The following RSPO4 variants were observed in gnomAD, a reference collection of about 807,000 sequenced individuals.
The protein encoded by RSPO4 is R-spondin-4.
A neutral mutation model predicts 24.8 loss-of-function variants in RSPO4; 23 were observed. The observed-to-expected ratio is 0.93, with a 90% CI of 0.67 to 1.31. The LOEUF is 1.31. Ranked by LOEUF, RSPO4 falls within the 40% of genes most tolerant of loss-of-function variation. The pLI, the probability that RSPO4 is intolerant of heterozygous loss-of-function variation, is 0.00. For synonymous variants in RSPO4, 141 were observed against 127.4 expected (o/e 1.11, Z -0.72); for missense variants, 333 against 316.5 (o/e 1.05, Z -0.39).
chr20:975,407 T>A lies in RSPO4; in HGVS notation c.80-7269A>T, dbSNP rs185655547. 9.6e-4 allele frequency among the ~76,000 whole-genome samples: 146 copies of A among 152,260 alleles called. 1 individual carries two copies. The highest frequency in any genetic ancestry group is 3.3e-3 in the African/African-American group (138 of 41,556). The stretch of plus-strand genomic sequence containing the variant: ...TGGCAGGCACCCCATGTAACTTCCA[T>A]TAACAACTGTCTCCCATAATCAAGA... On this transcript the variant is annotated intron_variant, in intron 1 of 4. Transcript: ENST00000217260.
rs1983867988 is a variant in RSPO4, at chr20:958,582, A to AGG, written c.*1773_*1774dup. On this transcript the variant is annotated 3_prime_UTR_variant, in exon 5 of 5. Coordinates refer to ENST00000217260, the MANE Select transcript of RSPO4 (RefSeq NM_001029871.4). ...AGCTGGTGGCCTGGCCAGGCGGAGG[A>AGG]GGGGGCTCTAGCTGTTCTCGGGGAG... 1.5e-5 allele frequency: 2 copies of AGG among 132,786 alleles called. No individual in the cohort carries two copies. The highest frequency in any genetic ancestry group is 1.6e-4 in the Admixed American group (2 of 12,760). The allele number at this position is 132,786 out of a possible 1,614,324, so 8.2% of individuals were successfully genotyped here.
Position 964,797 on chromosome 20 carries a change from TACACAC to T in RSPO4, c.410-683_410-678del, listed in dbSNP as rs1311803399. The stretch of plus-strand genomic sequence containing the variant: ...ACACACATATATATATACACATATA[TACACAC>T]ATACACACACACACACACACACACA... On this transcript the variant is annotated intron_variant, in intron 3 of 4. Coordinates refer to ENST00000217260, the MANE Select transcript of RSPO4 (RefSeq NM_001029871.4). Among the ~76,000 whole-genome samples, 193 of 101,088 alleles carry T rather than the reference TACACAC, an allele frequency of 1.9e-3. 2 individuals carry two copies. The highest frequency in any genetic ancestry group is 7.3e-3 in the African/African-American group (184 of 25,312). The allele number at this position is 101,088 out of a possible 152,430, so 66.3% of individuals were successfully genotyped here.
At chr20:985,108 C>T (rs186597112) in intron 1 of RSPO4, among the ~76,000 whole-genome samples, 1,952 of 141,936 alleles carry the variant, frequency 0.014, 45 homozygotes, top group Middle Eastern at 0.051. Context: ...CCCATCTATC[C>T]ATCCATCCAT....
At chr20:993,075 T>C (rs1350567302) in intron 1 of RSPO4, among the ~76,000 whole-genome samples, 1 of 152,234 alleles carries the variant, frequency 6.6e-6, no homozygotes, top group African/African-American at 2.4e-5. Flanking sequence ...ATGTGGGCTC[T>C]GCCATCGGGC....
intron 1 of RSPO4, among the ~76,000 whole-genome samples, chr20:987,987 G>A (rs969991578): frequency 2.1e-4 from 32 of 152,258 alleles, no homozygotes; most frequent in African/African-American, 7.7e-4. Context: ...GAGAACGACA[G>A]GGAATTGAAT....
At chr20:988,521 C>T (rs78573970) in intron 1 of RSPO4, among the ~76,000 whole-genome samples, 2,865 of 152,248 alleles carry the variant, frequency 0.019, 48 homozygotes, top group Middle Eastern at 0.12. Flanking sequence ...GCACATAGCA[C>T]ATGCTAGACA....
intron 1 of RSPO4, among the ~76,000 whole-genome samples, chr20:980,225 G>T (rs1984693689): frequency 6.6e-6 from 1 of 152,040 alleles, no homozygotes; most frequent in East Asian, 1.9e-4. Flanking sequence ...TGAACCTGAG[G>T]GTTATCCTCA....
chr20:968,892 G>A (rs979038820), intron 1 of RSPO4, among the ~76,000 whole-genome samples: 9 of 152,218 alleles, frequency 5.9e-5, no homozygotes, highest in Non-Finnish European at 1.0e-4. Context: ...GGGGAAAAAA[G>A]AGGTGGAAAA....
intron 4 of RSPO4, among the ~76,000 whole-genome samples, chr20:961,127 C>T (rs894947842): frequency 6.6e-6 from 1 of 152,172 alleles, no homozygotes; most frequent in Non-Finnish European, 1.5e-5. Context: ...ATTCCTTCCA[C>T]CTCCACTCTG....
At position 967,304 on chromosome 20, in the gene RSPO4, G is replaced by A. The variant is rs1984244376; in HGVS notation, c.279C>T (p.Ala93=). 1.2e-6 allele frequency: 2 copies of A among 1,614,028 alleles called. No homozygotes were observed. The highest frequency in any genetic ancestry group is 1.7e-6 in the Non-Finnish European group (2 of 1,180,040). ...CCTGGCTGAAGCAGCTCTCACAAGT[G>A]GCCCCACATTCTGTAATAGAGCCAG... ...QEVNRCKKCG[A]TCESCFSQDF... Residue 93 remains alanine (A), a synonymous_variant, in exon 3 of 5, where the codon GCC becomes GCT. Transcript: ENST00000217260.
intron 3 of RSPO4, among the ~76,000 whole-genome samples, chr20:965,767 ATAT>A (rs1042795090): frequency 2.0e-5 from 3 of 152,180 alleles, no homozygotes; most frequent in African/African-American, 4.8e-5. Context: ...ACCACCCAAA[ATAT>A]TATGCATTTG....
chr20:966,972 T>C lies in RSPO4; in HGVS notation c.409+202A>G, dbSNP rs930297451. Reference sequence around the variant, plus strand: ...CCAGTGTTGGTTGTAGTAGTAATCATAGTAATGGCGGTTATGTTGGCTCTA... The same window carrying C: ...CCAGTGTTGGTTGTAGTAGTAATCACAGTAATGGCGGTTATGTTGGCTCTA... On this transcript the variant is annotated intron_variant, in intron 3 of 4. Coordinates refer to ENST00000217260, the MANE Select transcript of RSPO4 (RefSeq NM_001029871.4). Among the ~76,000 whole-genome samples, 4 of 152,372 alleles carry C rather than the reference T, an allele frequency of 2.6e-5. 1 individual carries two copies. Among genetic ancestry groups the C allele is most frequent in the African/African-American group, 2.4e-5 (1 of 41,594 alleles).
Position 981,537 on chromosome 20 carries a change from TATAAA to T in RSPO4, c.80-13404_80-13400del, listed in dbSNP as rs541775526. Among the ~76,000 whole-genome samples the T allele has an allele frequency of 1.3e-5, 2 of 151,840 alleles. No homozygotes were observed. The highest frequency in any genetic ancestry group is 2.4e-5 in the African/African-American group (1 of 41,338). ...AGACGCTGTCTCAAAAAAGATAAGA[TATAAA>T]ATAAAATAAAATAAAAATAAAATAT... On this transcript the variant is annotated intron_variant, in intron 1 of 4. Transcript: ENST00000217260. This position sits in a 1 kb window ranked among gnomAD's most constrained non-coding sequence, Gnocchi z 4.6.
chr20:965,183 C>T (rs370134628), intron 3 of RSPO4, among the ~76,000 whole-genome samples: 1 of 150,280 alleles, frequency 6.7e-6, no homozygotes, highest in African/African-American at 2.4e-5. Flanking sequence ...GTGCAGGCAC[C>T]GTGGGAGCCC....
intron 1 of RSPO4, among the ~76,000 whole-genome samples, chr20:982,942 G>C (rs2122242659): frequency 6.6e-6 from 1 of 152,340 alleles, no homozygotes; most frequent in African/African-American, 2.4e-5. Flanking sequence ...CAGCCAATCA[G>C]GATGCTCAGT....
chr20:963,839 G>GTC, intron 4 of RSPO4, 96 bp downstream of exon 4: 1 of 1,276,598 alleles, frequency 7.8e-7, no homozygotes, highest in South Asian at 1.2e-5. Context: ...CTTTCAGGCA[G>GTC]TCTCATAGAT....
chr20:967,231 A>G lies in RSPO4; in HGVS notation c.352T>C (p.Cys118Arg). 1.2e-6 allele frequency: 2 copies of G among 1,614,218 alleles called. No individual in the cohort carries two copies. Among genetic ancestry groups the G allele is most frequent in the Non-Finnish European group, 1.7e-6 (2 of 1,180,028 alleles). ...GTGCCCGGCGGGCAGGTGGGCAGAC[A>G]CTTCCCCTTGTACAAGTAAAACTGC... The part of the protein sequence containing the change: ...KRQFYLYKGK[C>R]LPTCPPGTLA... Residue 118 changes from cysteine (C) to arginine (R), a missense_variant, in exon 3 of 5, where the codon TGT becomes CGT. Physicochemically the swap from Cys to Arg is radical, Grantham distance 180. Coordinates refer to ENST00000217260, the MANE Select transcript of RSPO4 (RefSeq NM_001029871.4).
At position 1,002,158 on chromosome 20, in the gene RSPO4, C is replaced by T. The variant is rs781688494; in HGVS notation, c.7G>A (p.Ala3Thr). Reference sequence around the variant, plus strand: ...ACGAGCAGGAGCAGGCAGAGTGGCGCCCGCATCTGGGCAGCCGGATCCGGG... The same window carrying T: ...ACGAGCAGGAGCAGGCAGAGTGGCGTCCGCATCTGGGCAGCCGGATCCGGG... MRAPLCLLLLVAH... is the reference protein window; with the variant it reads MRTPLCLLLLVAH... The change falls in exon 1 of 5, where the codon GCG becomes ACG. Residue 3 changes from alanine to threonine, a missense_variant. Coordinates refer to ENST00000217260, the MANE Select transcript of RSPO4 (RefSeq NM_001029871.4). This position sits in a 1 kb window ranked among gnomAD's most constrained non-coding sequence, Gnocchi z 4.6. 16 of 1,553,318 alleles carry T rather than the reference C, an allele frequency of 1.0e-5. No individual in the cohort carries two copies. The South Asian group carries it at 1.8e-4, about 17-fold the overall frequency.
At chr20:960,548 G>A (rs915481834) in intron 4 of RSPO4, 82 bp from the exon 5 acceptor site, 1 of 1,034,932 alleles carries the variant, frequency 9.7e-7, no homozygotes, top group African/African-American at 1.6e-5. Context: ...TGAAAGACAA[G>A]GGTGCCCCAC....
Sources: gnomAD v4.1 joint callset for allele counts (sites outside exome capture counted in the v4.1 genomes callset) on GRCh38, gnomAD v4.1.1 for gene constraint, Gnocchi (gnomAD v3.1) non-coding constraint, MANE v1.5 for transcripts, NCBI Gene and HGNC (gene_info 2026-07-23, HGNC 2026-07-21) for gene names.